The following ZNF114 variants were observed in gnomAD, a reference collection of about 807,000 sequenced individuals.
The protein encoded by ZNF114 is zinc finger protein 114 (Y18).
A neutral mutation model predicts 6.8 loss-of-function variants in ZNF114; 8 were observed. The ratio of observed to expected loss-of-function variants is 1.18; its 90% confidence interval spans 0.69 to 2.13. The LOEUF is 2.13. Among genes scored for constraint, ZNF114 ranks in the 30% most tolerant of loss-of-function variants. The pLI is 0.00. For synonymous variants in ZNF114, 169 were observed against 185.5 expected (o/e 0.91, Z 0.72); for missense variants, 472 against 519.5 (o/e 0.91, Z 0.89).
intron 3 of ZNF114, among the ~76,000 whole-genome samples, chr19:48,275,154 AAGAG>A (rs1446256541): frequency 1.4e-5 from 2 of 147,938 alleles, no homozygotes; most frequent in Middle Eastern, 7.1e-3. Context: ...AAAAGAAAGA[AAGAG>A]AGAAAGAGAG....
intron 3 of ZNF114, among the ~76,000 whole-genome samples, chr19:48,276,661 C>G (rs1253143786): frequency 6.6e-6 from 1 of 152,176 alleles, no homozygotes; most frequent in Non-Finnish European, 1.5e-5. Flanking sequence ...GTAGCTGAGA[C>G]TAGAGGCGCA....
intron 1 of ZNF114, among the ~76,000 whole-genome samples, chr19:48,270,494 GGAAAGAAA>G (rs934740159): frequency 6.7e-5 from 9 of 135,320 alleles, no homozygotes; most frequent in African/African-American, 2.5e-4. Context: ...GGGGAAGGAA[GGAAAGAAA>G]GAAAGAAAGA....
At chr19:48,272,673 C>CAAAAAAAAAAAAAAAAAAAAAAAAA (rs57823987) in intron 3 of ZNF114, among the ~76,000 whole-genome samples, 10 of 39,228 alleles carry the variant, frequency 2.5e-4, no homozygotes, top group Admixed American at 3.8e-4. Flanking sequence ...GACTCTCTCT[C>CAAAAAAAAAAAAAAAAAAAAAAAAA]AAAAAAAAAA....
chr19:48,273,187 A>C (rs1967722481), intron 3 of ZNF114, among the ~76,000 whole-genome samples: 1 of 152,138 alleles, frequency 6.6e-6, no homozygotes, highest in Non-Finnish European at 1.5e-5. Flanking sequence ...TAAAAAGGAC[A>C]AGCTGCAAGG....
intron 3 of ZNF114, among the ~76,000 whole-genome samples, chr19:48,274,506 ATTTTT>A (rs869126962): frequency 8.7e-4 from 15 of 17,184 alleles, no homozygotes; most frequent in African/African-American, 1.8e-3. Flanking sequence ...ATATATATAT[ATTTTT>A]TTTTTTTTTT....
In ZNF114 at chr19:48,286,378, C is replaced by T. The variant is rs1472746519; in HGVS notation, c.754C>T (p.Gln252Ter). 1.2e-6 allele frequency: 2 copies of T among 1,614,076 alleles called. No homozygotes were observed. Among genetic ancestry groups the T allele is most frequent in the African/African-American group, 2.7e-5 (2 of 74,936 alleles). ...TCGAGAGAAAATGTATGATTTTACT[C>T]AGTGCGAGAACACCTCCAGAAATAA... ...HGREKMYDFT[Q>*]CENTSRNNSI... The change falls in exon 6 of 6, where the codon CAG becomes TAG. Residue 252 changes from glutamine to a stop codon, truncating the protein, a stop_gained. Coordinates refer to ENST00000595607, the MANE Select transcript of ZNF114 (RefSeq NM_153608.4). LOFTEE classifies it low-confidence loss of function (END_TRUNC).
intron 3 of ZNF114, among the ~76,000 whole-genome samples, 161 bp from the exon 4 acceptor site, chr19:48,279,570 T>TGTGG (rs1358193633): frequency 5.8e-5 from 1 of 17,240 alleles, no homozygotes; most frequent in African/African-American, 2.6e-4. Flanking sequence ...TGTGTGGGTG[T>TGTGG]GTGGGTGGGT....
In ZNF114 at chr19:48,282,437, G is replaced by T. The variant is rs1325360078; in HGVS notation, c.76G>T (p.Ala26Ser). ...AGAGGAGTGGACCCTGCTGGACCCAGCTCAGAGGAATCTCTACAGAGACGT... is the reference window on the plus strand; with the variant it reads ...AGAGGAGTGGACCCTGCTGGACCCATCTCAGAGGAATCTCTACAGAGACGT... ...TKEEWTLLDPAQRNLYRDVML... is the reference protein window; with the variant it reads ...TKEEWTLLDPSQRNLYRDVML... Residue 26 changes from alanine to serine, a missense_variant, in exon 5 of 6, where the codon GCT becomes TCT. Coordinates refer to ENST00000595607, the MANE Select transcript of ZNF114 (RefSeq NM_153608.4). 1 of 1,613,394 alleles carries T rather than the reference G, an allele frequency of 6.2e-7. No individual in the cohort carries two copies. The highest frequency in any genetic ancestry group is 8.5e-7 in the Non-Finnish European group (1 of 1,179,586).
Position 48,285,826 on chromosome 19 carries a change from T to C in ZNF114, c.202T>C (p.Phe68Leu), listed in dbSNP as rs774716114. 1.9e-6 allele frequency: 3 copies of C among 1,614,030 alleles called. No homozygotes were observed. In the Admixed American group the frequency reaches 5.0e-5, roughly 27 times the overall value. The part of the protein sequence containing the change: ...PQPDILPKRT[F>L]PEANRVCLTS... Reference sequence around the variant, plus strand: ...GCCGGATATTCTTCCTAAAAGAACATTTCCTGAAGCCAACAGAGTGTGTCT... The same window carrying C: ...GCCGGATATTCTTCCTAAAAGAACACTTCCTGAAGCCAACAGAGTGTGTCT... The change falls in exon 6 of 6, where the codon TTT becomes CTT. Residue 68 changes from phenylalanine to leucine, a missense_variant. Transcript: ENST00000595607.
At chr19:48,273,945 G>C (rs1245843056) in intron 3 of ZNF114, among the ~76,000 whole-genome samples, 1 of 151,608 alleles carries the variant, frequency 6.6e-6, no homozygotes, top group African/African-American at 2.4e-5. Context: ...TTTTAGTAGA[G>C]ACGGGGTTTC....
intron 3 of ZNF114, among the ~76,000 whole-genome samples, chr19:48,278,179 A>G (rs1189061953): frequency 6.6e-6 from 1 of 152,086 alleles, no homozygotes; most frequent in Non-Finnish European, 1.5e-5. Flanking sequence ...CAAGTGATCC[A>G]CCTGCCTCGG....
rs560066480 is a variant in ZNF114, at chr19:48,279,784, C to CA, written c.-15dup. On this transcript the variant is annotated 5_prime_UTR_variant, in exon 4 of 6. Transcript: ENST00000595607. ...ACACGGGGAAGCCAGGACTGGCCGT[C>CA]ACGTTGGTGACAAATATGTCCCAGG... 46 of 1,613,986 alleles carry CA rather than the reference C, an allele frequency of 2.9e-5. 1 individual carries two copies. In the South Asian group the frequency reaches 4.4e-4, roughly 15 times the overall value.
rs1254088810 is a variant in ZNF114, at chr19:48,285,873, C to A, written c.249C>A (p.His83Gln). 2 of 1,614,066 alleles carry A rather than the reference C, an allele frequency of 1.2e-6. No homozygotes were observed. Among genetic ancestry groups the A allele is most frequent in the East Asian group, 2.2e-5 (1 of 44,892 alleles). Residue 83 changes from histidine to glutamine, a missense_variant, in exon 6 of 6, where the codon CAC becomes CAA. Transcript: ENST00000595607. ...RVCLTSISSQ[H>Q]STLREDWRCP... is the part of the protein sequence containing the mutation. ...GTCTCACGAGCATCAGTTCCCAGCA[C>A]TCCACATTAAGAGAAGACTGGAGAT...
intron 5 of ZNF114, 135 bp downstream of exon 5, chr19:48,282,632 G>A: frequency 1.1e-6 from 1 of 930,750 alleles, no homozygotes. Context: ...CAGGTAGTAG[G>A]TGTAGGGTTC....
Position 48,285,918 on chromosome 19 carries a change from A to G in ZNF114, c.294A>G (p.Pro98=), listed in dbSNP as rs1555877151. 6 of 1,614,168 alleles carry G rather than the reference A, an allele frequency of 3.7e-6. No individual in the cohort carries two copies. The highest frequency in any genetic ancestry group is 1.7e-5 in the Admixed American group (1 of 60,016). The change falls in exon 6 of 6, where the codon CCA becomes CCG. Residue 98 remains proline (P), a synonymous_variant. Coordinates refer to ENST00000595607, the MANE Select transcript of ZNF114 (RefSeq NM_153608.4). ...EDWRCPKTEE[P]HRQGVNNVKP... ...GGAGATGCCCCAAAACAGAGGAACC[A>G]CACAGGCAGGGGGTGAATAATGTGA...
rs199803911 is a variant in ZNF114 at position 48,286,445 on chromosome 19, C to T, written c.821C>T (p.Thr274Ile). 341 of 1,614,074 alleles carry T rather than the reference C, an allele frequency of 2.1e-4. No homozygotes were observed. The highest frequency in any genetic ancestry group is 2.8e-4 in the Non-Finnish European group (334 of 1,180,040). Residue 274 changes from threonine (T) to isoleucine (I), a missense_variant, in exon 6 of 6, where the codon ACA becomes ATA. By Grantham distance (89) the Thr-to-Ile change is moderately conservative. Transcript: ENST00000595607. The stretch of plus-strand genomic sequence containing the variant: ...CAGATGCAGTTGTATACCGCAGAGA[C>T]AAACAAGAAGGATTGTCAAACTGGG... ...AMQMQLYTAETNKKDCQTGAT... is the reference protein window; with the variant it reads ...AMQMQLYTAEINKKDCQTGAT...
rs922551789 is a variant in ZNF114, at chr19:48,286,756, C to T, written c.1132C>T (p.His378Tyr). 19 of 1,613,678 alleles carry T rather than the reference C, an allele frequency of 1.2e-5. 1 individual carries two copies. In the Admixed American group the frequency reaches 2.0e-4, roughly 17 times the overall value. ...KVIRESSKYT[H>Y]IRSHTGEKPY... ...CATTCGGGAGTCCTCAAAATATACACATATAAGGAGCCACACTGGAGAGAA... is the reference window on the plus strand; with the variant it reads ...CATTCGGGAGTCCTCAAAATATACATATATAAGGAGCCACACTGGAGAGAA... Residue 378 changes from histidine (H) to tyrosine (Y), a missense_variant, in exon 6 of 6, where the codon CAT becomes TAT. Transcript: ENST00000595607.
intron 3 of ZNF114, among the ~76,000 whole-genome samples, chr19:48,276,723 T>C (rs2147286036): frequency 1.3e-5 from 2 of 152,008 alleles, no homozygotes; most frequent in South Asian, 4.2e-4. Context: ...GGGGCCTCGC[T>C]ATGTTGCCCA....
rs57823987 is a variant in ZNF114, at chr19:48,272,673, C to CAAAAAAAAAAAA, written c.-70+859_-70+870dup. On this transcript the variant is annotated intron_variant, in intron 3 of 5. Coordinates refer to ENST00000595607, the MANE Select transcript of ZNF114 (RefSeq NM_153608.4). ...TGGGCGACAGAGCAAGACTCTCTCT[C>CAAAAAAAAAAAA]AAAAAAAAAAAAAAAAAAAAAAAAA... is the stretch of plus-strand genomic sequence containing the variant. 5.5e-3 allele frequency among the ~76,000 whole-genome samples: 214 copies of CAAAAAAAAAAAA among 39,222 alleles called. 27 individuals carry two copies. The highest frequency in any genetic ancestry group is 0.013 in the African/African-American group (112 of 8,546). The allele number at this position is 39,222 out of a possible 152,430, so 25.7% of individuals were successfully genotyped here. A position where few individuals can be genotyped will look rare whatever the true frequency, so the allele number is the denominator to read the frequency against.
Sources: gnomAD v4.1 joint callset for allele counts (sites outside exome capture counted in the v4.1 genomes callset) on GRCh38, gnomAD v4.1.1 for gene constraint, MANE v1.5 for transcripts, NCBI Gene and HGNC (gene_info 2026-07-23, HGNC 2026-07-21) for gene names.